The following RARA variants were observed in gnomAD, a reference collection of about 807,000 sequenced individuals.
RARA encodes the protein retinoic acid receptor alpha.
A neutral mutation model predicts 42.8 loss-of-function variants in RARA; 5 were observed. The ratio of observed to expected loss-of-function variants is 0.12; its 90% CI spans 0.06 to 0.25. RARA has a LOEUF of 0.25. Ranked by LOEUF, RARA falls within the 10% of genes least tolerant of loss-of-function variation. RARA has a pLI of 1.00. For synonymous variants in RARA, 256 were observed against 259.5 expected (o/e 0.99, Z 0.13); for missense variants, 402 against 628.7 (o/e 0.64, Z 3.86).
intron 2 of RARA, chr17:40,343,027 C>T: frequency 7.2e-7 from 1 of 1,382,852 alleles, no homozygotes; most frequent in Non-Finnish European, 9.5e-7. Context: ...ACCCTCCCGG[C>T]CGCACCCTCC....
rs994342847 is a variant in RARA at position 40,354,134 on chromosome 17, A to G, written c.808-168A>G. On this transcript the variant is annotated intron_variant, in intron 6 of 8. Transcript: ENST00000254066. The surrounding 1 kb of genome is among the most constrained non-coding windows in gnomAD (Gnocchi z 4.5). The stretch of plus-strand genomic sequence containing the variant: ...CATGTGGCTGGTGGCTGAGGTATGG[A>G]TGGTGCAGACGTAGAACCTTTCCAT... 2.6e-5 allele frequency among the ~76,000 whole-genome samples: 4 copies of G among 152,192 alleles called. No homozygotes were observed. Among genetic ancestry groups the G allele is most frequent in the Non-Finnish European group, 4.4e-5 (3 of 68,026 alleles).
At chr17:40,312,826 T>C (rs994655580) in intron 1 of RARA, among the ~76,000 whole-genome samples, 5 of 152,150 alleles carry the variant, frequency 3.3e-5, no homozygotes, top group Admixed American at 3.3e-4. Flanking sequence ...GAGAGAACAC[T>C]CAATCAGTCA....
At chr17:40,310,403 G>C (rs1488718151) in intron 1 of RARA, among the ~76,000 whole-genome samples, 1 of 151,678 alleles carries the variant, frequency 6.6e-6, no homozygotes, top group Non-Finnish European at 1.5e-5. Flanking sequence ...CTGGGGAGGG[G>C]GGTGATAGAA....
rs544709908 is a variant in RARA, at chr17:40,355,073, C to T, written c.1013-190C>T. Reference sequence around the variant, plus strand: ...GGAGGGTTTGGGGCACCCCCTCACCCTCAGCTCCCGTTGCTCCCTTTTAAG... The same window carrying T: ...GGAGGGTTTGGGGCACCCCCTCACCTTCAGCTCCCGTTGCTCCCTTTTAAG... On this transcript the variant is annotated intron_variant, in intron 7 of 8. Transcript: ENST00000254066. This position sits in a 1 kb window ranked among gnomAD's most constrained non-coding sequence, Gnocchi z 4.1. Among the ~76,000 whole-genome samples the T allele has an allele frequency of 1.1e-4, 16 of 152,350 alleles. No homozygotes were observed. In the East Asian group the frequency reaches 1.4e-3, roughly 13 times the overall value.
Position 40,357,172 on chromosome 17 carries a change from A to T in RARA, c.*946A>T. 1 of 237,194 alleles carries T rather than the reference A, an allele frequency of 4.2e-6. No individual in the cohort carries two copies. The highest frequency in any genetic ancestry group is 8.3e-6 in the Non-Finnish European group (1 of 120,434). The allele number at this position is 237,194 out of a possible 1,614,324, so 14.7% of individuals were successfully genotyped here. A position where few individuals can be genotyped will look rare whatever the true frequency, so the allele number is the denominator to read the frequency against. On this transcript the variant is annotated 3_prime_UTR_variant, in exon 9 of 9. Coordinates refer to ENST00000254066, the MANE Select transcript of RARA (RefSeq NM_000964.4). The stretch of plus-strand genomic sequence containing the variant: ...GGGCCCCGGGACAGAGTTTTCCCAG[A>T]CCTGGCTCCTCGGCAGAGCTGCCTC...
intron 2 of RARA, chr17:40,341,193 C>T (rs1264843748): frequency 3.4e-6 from 2 of 593,964 alleles, no homozygotes; most frequent in Non-Finnish European, 2.5e-6. Flanking sequence ...CACTGGAAGG[C>T]ACCAGCTCTT....
At chr17:40,318,098 G>T (rs2033253201) in intron 1 of RARA, among the ~76,000 whole-genome samples, 1 of 152,168 alleles carries the variant, frequency 6.6e-6, no homozygotes. Flanking sequence ...TTTAAGACTC[G>T]CCCTTCCCGA....
rs773654318 is a variant in RARA at position 40,330,835 on chromosome 17, CCTGT to C, written c.-362-19_-362-16del. On this transcript the variant is annotated intron_variant, in intron 1 of 8. Coordinates refer to ENST00000254066, the MANE Select transcript of RARA (RefSeq NM_000964.4). The stretch of plus-strand genomic sequence containing the variant: ...GTGCCTGTTCTTCAGTGCCCACTCA[CCTGT>C]CTTTCTTTTTTCTGCAGCATCACAG... 4.0e-6 allele frequency: 1 copy of C among 249,770 alleles called. No homozygotes were observed. The highest frequency in any genetic ancestry group is 2.2e-5 in the African/African-American group (1 of 45,758). The allele number at this position is 249,770 out of a possible 1,614,324, so 15.5% of individuals were successfully genotyped here.
intron 1 of RARA, among the ~76,000 whole-genome samples, chr17:40,314,012 T>C (rs2033144405): frequency 6.6e-6 from 1 of 152,142 alleles, no homozygotes; most frequent in Non-Finnish European, 1.5e-5. Context: ...CAGGAATTAT[T>C]CTTTCTGTTG....
Position 40,320,585 on chromosome 17 carries a change from A to G in RARA, c.-362-10272A>G, listed in dbSNP as rs541192465. Reference sequence around the variant, plus strand: ...CCTCTGGGACCTTTTCTTCCAGGCCACTCCTTGCTCAGACTCCAGTCTCAG... The same window carrying G: ...CCTCTGGGACCTTTTCTTCCAGGCCGCTCCTTGCTCAGACTCCAGTCTCAG... On this transcript the variant is annotated intron_variant, in intron 1 of 8. Transcript: ENST00000254066. This position sits in a 1 kb window ranked among gnomAD's most constrained non-coding sequence, Gnocchi z 4.1. Among the ~76,000 whole-genome samples, 1 of 151,434 alleles carries G rather than the reference A, an allele frequency of 6.6e-6. No individual in the cohort carries two copies. Among genetic ancestry groups the G allele is most frequent in the South Asian group, 2.1e-4 (1 of 4,748 alleles).
At position 40,355,506 on chromosome 17, in the gene RARA, G is replaced by A. The variant is rs1283219956; in HGVS notation, c.1171+85G>A. 1.9e-5 allele frequency: 28 copies of A among 1,492,602 alleles called. No individual in the cohort carries two copies. The highest frequency in any genetic ancestry group is 2.3e-5 in the Non-Finnish European group (26 of 1,108,758). The allele number at this position is 1,492,602 out of a possible 1,614,324, so 92.5% of individuals were successfully genotyped here. A position where few individuals can be genotyped will look rare whatever the true frequency, so the allele number is the denominator to read the frequency against. On this transcript the variant is annotated intron_variant, in intron 8 of 8. Coordinates refer to ENST00000254066, the MANE Select transcript of RARA (RefSeq NM_000964.4). This position sits in a 1 kb window ranked among gnomAD's most constrained non-coding sequence, Gnocchi z 4.1. ...CCAAGCCAGCACCCCATGTCTTTGTGCCAGGACAATACGACACCTGTCCCC... is the reference window on the plus strand; with the variant it reads ...CCAAGCCAGCACCCCATGTCTTTGTACCAGGACAATACGACACCTGTCCCC...
intron 2 of RARA, among the ~76,000 whole-genome samples, chr17:40,339,026 A>C (rs1009269811): frequency 4.6e-5 from 7 of 152,168 alleles, no homozygotes; most frequent in African/African-American, 7.2e-5. Context: ...TCAAATAAAT[A>C]AATAAAAATA....
At position 40,357,100 on chromosome 17, in the gene RARA, T is replaced by C; in HGVS notation, c.*874T>C. 3.1e-6 allele frequency: 1 copy of C among 323,082 alleles called. No homozygotes were observed. The highest frequency in any genetic ancestry group is 2.2e-5 in the African/African-American group (1 of 46,246). The allele number at this position is 323,082 out of a possible 1,614,324, so 20.0% of individuals were successfully genotyped here. ...CCCTGAAAGGACAGGCTCCTGGCCTTGGCACTTGCCTGCACCCACCATGAG... is the reference window on the plus strand; with the variant it reads ...CCCTGAAAGGACAGGCTCCTGGCCTCGGCACTTGCCTGCACCCACCATGAG... On this transcript the variant is annotated 3_prime_UTR_variant, in exon 9 of 9. Transcript: ENST00000254066.
rs1041809128 is a variant in RARA at position 40,351,655 on chromosome 17, G to C, written c.470-255G>C. Reference sequence around the variant, plus strand: ...GGGATAGCATGCGGCTGGCTATGGGGTGGGGTGGGGGGTGTGTGCAGGGCC... The same window carrying C: ...GGGATAGCATGCGGCTGGCTATGGGCTGGGGTGGGGGGTGTGTGCAGGGCC... On this transcript the variant is annotated intron_variant, in intron 4 of 8. Transcript: ENST00000254066. The surrounding 1 kb of genome is among the most constrained non-coding windows in gnomAD (Gnocchi z 4.1). The C allele has an allele frequency of 1.4e-5, 8 of 560,006 alleles. No homozygotes were observed. Among genetic ancestry groups the C allele is most frequent in the African/African-American group, 7.5e-5 (4 of 53,042 alleles). 34.7% of individuals were successfully genotyped at this position (560,006 alleles called of 1,614,324 possible).
Position 40,331,313 on chromosome 17 carries a change from T to G in RARA, c.95T>G (p.Leu32Arg), listed in dbSNP as rs1402282746. The G allele has an allele frequency of 6.2e-7, 1 of 1,614,058 alleles. No individual in the cohort carries two copies. The highest frequency in any genetic ancestry group is 8.5e-7 in the Non-Finnish European group (1 of 1,179,992). Residue 32 changes from leucine (L) to arginine (R), a missense_variant, in exon 2 of 9, where the codon CTG becomes CGG. This residue lies in a region of RARA where 91 missense variants were observed against 105.2 expected (regional missense o/e 0.87). Transcript: ENST00000254066. The part of the protein sequence containing the change: ...PPYAFFFPPM[L>R]GGLSPPGALT... ...TACGCCTTCTTCTTCCCCCCTATGC[T>G]GGGTGGACTCTCCCCGCCAGGCGCT...
chr17:40,318,895 C>T (rs1396251770), intron 1 of RARA, among the ~76,000 whole-genome samples: 1 of 152,228 alleles, frequency 6.6e-6, no homozygotes, highest in Non-Finnish European at 1.5e-5. Context: ...AGGGGGCCCA[C>T]TCCCACCAGA....
At chr17:40,323,361 C>T (rs1272743507) in intron 1 of RARA, 1 of 152,246 alleles carries the variant, frequency 6.6e-6, no homozygotes, top group Non-Finnish European at 1.5e-5. Flanking sequence ...TATCTGTCCT[C>T]ATATACAGTT....
chr17:40,338,458 TC>T (rs1341829884), intron 2 of RARA, among the ~76,000 whole-genome samples: 1 of 152,088 alleles, frequency 6.6e-6, no homozygotes, highest in Non-Finnish European at 1.5e-5. Context: ...CCAAGGGCCT[TC>T]CATGGGCAGG....
At position 40,356,347 on chromosome 17, in the gene RARA, C is replaced by A; in HGVS notation, c.*121C>A. Reference sequence around the variant, plus strand: ...CTGCCCTCCCGGGCAGTACTGGGGACCTTCCCTGGGGGACGGGGAGGGAGG... The same window carrying A: ...CTGCCCTCCCGGGCAGTACTGGGGAACTTCCCTGGGGGACGGGGAGGGAGG... On this transcript the variant is annotated 3_prime_UTR_variant, in exon 9 of 9. Transcript: ENST00000254066. 8.7e-7 allele frequency: 1 copy of A among 1,144,146 alleles called. No homozygotes were observed. Among genetic ancestry groups the A allele is most frequent in the Non-Finnish European group, 1.3e-6 (1 of 787,284 alleles). 70.9% of individuals were successfully genotyped at this position (1,144,146 alleles called of 1,614,324 possible).
Sources: allele counts gnomAD v4.1 joint callset (sites outside exome capture counted in the v4.1 genomes callset), GRCh38; gene constraint gnomAD v4.1.1; regional missense constraint gnomAD v4.1.1; non-coding constraint Gnocchi (gnomAD v3.1); transcripts MANE v1.5; gene names NCBI Gene and HGNC (gene_info 2026-07-23, HGNC 2026-07-21).